Variants in AP5Z1 observed in about 807,000 individuals in gnomAD.
The protein encoded by AP5Z1 is adaptor related protein complex 5 subunit zeta 1, also known as AP-5 complex subunit zeta-1.
A neutral mutation model predicts 83.0 loss-of-function variants in AP5Z1; 106 were observed. The observed-to-expected ratio is 1.28, with a 90% CI of 1.09 to 1.50. The LOEUF (loss-of-function observed/expected upper bound fraction) is 1.50, where lower values mean the gene tolerates loss of function less well. AP5Z1 is among the 40% of genes most tolerant of loss of function. The pLI is 0.00. For missense variants in AP5Z1, 1,565 were observed against 1,094.2 expected, an observed-to-expected ratio of 1.43 and a Z score of -6.07; for synonymous variants, 751 against 514.1, an observed-to-expected ratio of 1.46 and a Z score of -6.23.
At chr7:4,785,768 T>A in intron 9 of AP5Z1, 84 bp downstream of exon 9, 2 of 1,397,578 alleles carry the variant, frequency 1.4e-6, no homozygotes. Flanking sequence ...CCCTTTTTTT[T>A]TTTTTTTTTT....
chr7:4,790,358 T>C (rs1781719662), intron 14 of AP5Z1, 101 bp from the exon 15 acceptor site: 1 of 1,579,374 alleles, frequency 6.3e-7, no homozygotes, highest in Non-Finnish European at 8.6e-7. Flanking sequence ...AGCATACACC[T>C]ACCACTCAGA....
In AP5Z1 at chr7:4,791,074, G is replaced by GGGGAGCATCTGCAGCTGACGGA. The variant is rs776358843; in HGVS notation, c.2154-36_2154-15dup. On this transcript the variant is annotated intron_variant, in intron 16 of 16. Coordinates refer to ENST00000649063, the MANE Select transcript of AP5Z1 (RefSeq NM_014855.3). ...CTCCACACAGACCCCTGTCCTGGGAGGGGAGCATCTGCAGCTGACGGAGGG... is the reference window on the plus strand; with the variant it reads ...CTCCACACAGACCCCTGTCCTGGGAGGGGAGCATCTGCAGCTGACGGAGGGAGCATCTGCAGCTGACGGAGGG... 10 of 1,527,852 alleles carry GGGGAGCATCTGCAGCTGACGGA rather than the reference G, an allele frequency of 6.5e-6. No individual in the cohort carries two copies. The African/African-American group carries it at 1.2e-4, about 19-fold the overall frequency. The allele number at this position is 1,527,852 out of a possible 1,614,324, so 94.6% of individuals were successfully genotyped here. A position where few individuals can be genotyped will look rare whatever the true frequency, so the allele number is the denominator to read the frequency against.
At chr7:4,775,801 C>G in intron 1 of AP5Z1, 45 bp downstream of exon 1, 1 of 1,594,290 alleles carries the variant, frequency 6.3e-7, no homozygotes, top group African/African-American at 1.3e-5. Flanking sequence ...GCATCTCTCC[C>G]TAGGGGCACA....
intron 1 of AP5Z1, among the ~76,000 whole-genome samples, chr7:4,777,197 A>G (rs115271552): frequency 0.018 from 2,679 of 152,226 alleles, 78 homozygotes; most frequent in African/African-American, 0.062. Flanking sequence ...TGGGGACTAT[A>G]TGAAAATGAA....
At chr7:4,781,406 G>C (rs1450905862) in intron 2 of AP5Z1, 94 bp downstream of exon 2, 2 of 1,583,948 alleles carry the variant, frequency 1.3e-6, no homozygotes, top group African/African-American at 2.7e-5. Flanking sequence ...GCTCCTTGGG[G>C]GTTGAGTCAT....
At position 4,790,777 on chromosome 7, in the gene AP5Z1, C is replaced by T. The variant is rs1177950315; in HGVS notation, c.2043C>T (p.Val681=). ...CCCTGGAGGCTCTGCTATTCGAGGT[C>T]ACCCAGTGCCGCCCCTCTGCTGCCC... The part of the protein sequence containing the change: ...FEALEALLFE[V]TQCRPSAALP... The change falls in exon 16 of 17, where the codon GTC becomes GTT. Residue 681 remains valine, a synonymous_variant. Coordinates refer to ENST00000649063, the MANE Select transcript of AP5Z1 (RefSeq NM_014855.3). 1.9e-6 allele frequency: 3 copies of T among 1,608,608 alleles called. No homozygotes were observed. The highest frequency in any genetic ancestry group is 1.3e-5 in the African/African-American group (1 of 74,820).
At chr7:4,785,389 C>T (rs1183606152) in intron 7 of AP5Z1, 26 bp from the exon 8 acceptor site, 24 of 1,611,336 alleles carry the variant, frequency 1.5e-5, no homozygotes, top group East Asian at 2.2e-5. Context: ...GAGACAGAGC[C>T]GGCTGACTTT....
chr7:4,784,920 A>G lies in AP5Z1; in HGVS notation c.803A>G (p.Glu268Gly). ...PGTLDTDDRSEQEGSTLSVIS... is the reference protein window; with the variant it reads ...PGTLDTDDRSGQEGSTLSVIS... ...CCACCTCCCGCAGATGACAGGTCAG[A>G]GCAGGAGGGCTCCACTCTGTCGGTG... The change falls in exon 7 of 17, where the codon GAG becomes GGG. Residue 268 changes from glutamate (E) to glycine (G), a missense_variant. Physicochemically the swap from Glu to Gly is moderately conservative, Grantham distance 98 (BLOSUM62 -2). Transcript: ENST00000649063. 1 of 1,611,712 alleles carries G rather than the reference A, an allele frequency of 6.2e-7. No homozygotes were observed. The highest frequency in any genetic ancestry group is 8.5e-7 in the Non-Finnish European group (1 of 1,179,262).
intron 10 of AP5Z1, among the ~76,000 whole-genome samples, chr7:4,787,096 C>CT (rs1781571897): frequency 6.6e-6 from 1 of 152,056 alleles, no homozygotes; most frequent in Admixed American, 6.6e-5. Flanking sequence ...TTTGAAGTGT[C>CT]TTTTGCAGCC....
chr7:4,785,970 A>C (rs1410018102), intron 9 of AP5Z1, among the ~76,000 whole-genome samples: 1 of 152,062 alleles, frequency 6.6e-6, no homozygotes, highest in African/African-American at 2.4e-5. Context: ...TAAATAGAGA[A>C]ATAAACAGAC....
chr7:4,785,745 G>T, intron 9 of AP5Z1, 61 bp downstream of exon 9: 2 of 1,341,460 alleles, frequency 1.5e-6, no homozygotes, highest in Non-Finnish European at 1.9e-6. Context: ...GTTTTAGGAT[G>T]GAATTTCTTC....
rs200280538 is a variant in AP5Z1 at position 4,790,589 on chromosome 7, G to A, written c.1936G>A (p.Val646Met). 944 of 1,612,904 alleles carry A rather than the reference G, an allele frequency of 5.9e-4. 14 individuals are homozygous for A. The South Asian group carries it at 7.7e-3, about 13-fold the overall frequency. Residue 646 changes from valine (V) to methionine (M), a missense_variant and splice_region_variant, in exon 15 of 17, where the codon GTG becomes ATG. Val to Met is a conservative substitution (Grantham distance 21, BLOSUM62 1). Transcript: ENST00000649063. ...LCSRASLVTS[V>M]VWAIGEYLSV... ...CAGCAGGGCGAGCCTCGTCACCAGC[G>A]TGGTAAGGCGGGCGCTGGCCTCCCA...
chr7:4,781,101 G>C (rs1420174648), intron 1 of AP5Z1, 74 bp from the exon 2 acceptor site: 1 of 1,556,934 alleles, frequency 6.4e-7, no homozygotes, highest in Non-Finnish European at 8.7e-7. Context: ...GATTTTCCCT[G>C]CTCCAAGGGT....
Position 4,788,235 on chromosome 7 carries a change from G to T in AP5Z1, c.1536G>T (p.Pro512=), listed in dbSNP as rs757364334. The T allele has an allele frequency of 6.3e-7, 1 of 1,579,248 alleles. No homozygotes were observed. Among genetic ancestry groups the T allele is most frequent in the Admixed American group, 1.8e-5 (1 of 55,160 alleles). Residue 512 remains proline (P), a synonymous_variant, in exon 12 of 17, where the codon CCG becomes CCT. Transcript: ENST00000649063. The part of the protein sequence containing the change: ...APSCLEAFRD[P]QFQGLFQYLL... ...GCTGCCTGGAGGCCTTCCGGGACCC[G>T]CAGTTCCAGGGTCTTTTCCAATACC... is the stretch of plus-strand genomic sequence containing the variant.
chr7:4,785,112 C>T (rs370648778), intron 7 of AP5Z1, 64 bp downstream of exon 7: 2 of 1,533,410 alleles, frequency 1.3e-6, no homozygotes, highest in African/African-American at 1.4e-5. Context: ...GCAAGGCCAC[C>T]TGAGGCCAGC....
Position 4,790,664 on chromosome 7 carries a change from CG to C in AP5Z1, c.1939-6del, listed in dbSNP as rs781483789. The C allele has an allele frequency of 1.9e-6, 3 of 1,611,848 alleles. No homozygotes were observed. The African/African-American group carries it at 4.0e-5, about 22-fold the overall frequency. ...TGGGTGGGGGCTGAATCTCTGTCCC[CG>C]GGCCTAGGTGTGGGCCATCGGCGAG... is the stretch of plus-strand genomic sequence containing the variant. On this transcript the variant is annotated splice_region_variant and splice_polypyrimidine_tract_variant and intron_variant, in intron 15 of 16. Coordinates refer to ENST00000649063, the MANE Select transcript of AP5Z1 (RefSeq NM_014855.3).
intron 16 of AP5Z1, 91 bp from the exon 17 acceptor site, chr7:4,791,024 C>G: frequency 6.8e-7 from 1 of 1,472,984 alleles, no homozygotes; most frequent in South Asian, 1.4e-5. Flanking sequence ...TAAAGCCACT[C>G]TGCTGGGCGC....
In AP5Z1 at chr7:4,790,885, C is replaced by A; in HGVS notation, c.2151C>A (p.Pro717=). The A allele has an allele frequency of 6.3e-7, 1 of 1,599,760 alleles. No individual in the cohort carries two copies. ...CCTCCCGGAGCCAAGATCTGATCCC[C>A]AGGTGCCTGGTCAGGGAGGGAGCGA... is the stretch of plus-strand genomic sequence containing the variant. ...KLASRSQDLI[P]RASLLLSKMR... Residue 717 remains proline, a splice_region_variant and synonymous_variant, in exon 16 of 17, where the codon CCC becomes CCA. Coordinates refer to ENST00000649063, the MANE Select transcript of AP5Z1 (RefSeq NM_014855.3).
At chr7:4,781,094 T>G (rs532258129) in intron 1 of AP5Z1, 81 bp from the exon 2 acceptor site, 1 of 1,528,336 alleles carries the variant, frequency 6.5e-7, no homozygotes, top group African/African-American at 1.4e-5. Context: ...AAAGAGGGAT[T>G]TTCCCTGCTC....
Sources: allele counts gnomAD v4.1 joint callset (sites outside exome capture counted in the v4.1 genomes callset), GRCh38; gene constraint gnomAD v4.1.1; transcripts MANE v1.5; gene names NCBI Gene and HGNC (gene_info 2026-07-23, HGNC 2026-07-21).